Variants in ATP8B1 observed in about 807,000 individuals in gnomAD.
The protein encoded by ATP8B1 is ATPase phospholipid transporting 8B1.
Under a neutral mutation model 149.9 loss-of-function variants are expected in ATP8B1, and 80 were observed. The observed-to-expected ratio is 0.53, with a 90% CI of 0.45 to 0.64. The LOEUF is 0.64. ATP8B1 is among the 30% of genes least tolerant of loss of function. The pLI is 0.00. For synonymous variants in ATP8B1, 536 were observed against 562.8 expected (o/e 0.95, Z 0.67); for missense variants, 1,247 against 1,552.6 (o/e 0.80, Z 3.31).
chr18:57,796,246 C>T (rs1176263053), intron 1 of ATP8B1, among the ~76,000 whole-genome samples: 2 of 152,202 alleles, frequency 1.3e-5, no homozygotes, highest in African/African-American at 2.4e-5. Context: ...ACCTCTCCTC[C>T]TCTCAAAGTT....
intron 1 of ATP8B1, among the ~76,000 whole-genome samples, chr18:57,764,403 TTCTTTCTC>T (rs1205208390): frequency 8.0e-5 from 11 of 137,790 alleles, no homozygotes; most frequent in East Asian, 4.1e-4. Context: ...CTCTCTTTCT[TTCTTTCTC>T]TCTTTCTCTC....
chr18:57,784,396 C>T lies in ATP8B1; in HGVS notation c.-26+18602G>A, dbSNP rs536152876. Among the ~76,000 whole-genome samples, 1 of 152,110 alleles carries T rather than the reference C, an allele frequency of 6.6e-6. No individual in the cohort carries two copies. The highest frequency in any genetic ancestry group is 1.5e-5 in the Non-Finnish European group (1 of 67,980). ...ATGTAAGAAGGCTACTGGAATGGTC[C>T]AGGAGAGGGAGGATGACAGCTTGAA... On this transcript the variant is annotated intron_variant, in intron 1 of 27. Transcript: ENST00000648908. The surrounding 1 kb of genome is among the most constrained non-coding windows in gnomAD (Gnocchi z 4.4).
chr18:57,693,719 AAAT>A (rs948579950), intron 11 of ATP8B1, among the ~76,000 whole-genome samples: 2 of 151,970 alleles, frequency 1.3e-5, no homozygotes, highest in Non-Finnish European at 2.9e-5. Flanking sequence ...AAAAAAAAAC[AAAT>A]AATAATAATA....
chr18:57,745,956 T>C (rs1361187023), intron 1 of ATP8B1, among the ~76,000 whole-genome samples: 1 of 152,186 alleles, frequency 6.6e-6, no homozygotes, highest in Non-Finnish European at 1.5e-5. Flanking sequence ...CCACCACGCC[T>C]GACCTAAACA....
chr18:57,692,408 T>C (rs1167264189), intron 11 of ATP8B1, among the ~76,000 whole-genome samples: 1 of 149,886 alleles, frequency 6.7e-6, no homozygotes, highest in East Asian at 2.0e-4. Flanking sequence ...GGAATGCTTA[T>C]AGAAGATATT....
Position 57,657,160 on chromosome 18 carries a change from C to T in ATP8B1, c.2708-1743G>A, listed in dbSNP as rs530178337. ...TTCTTAAGCTAGCTTTGGTTGTTCTCCAATACTTGTAATCAAAAGAGTTTT... is the reference window on the plus strand; with the variant it reads ...TTCTTAAGCTAGCTTTGGTTGTTCTTCAATACTTGTAATCAAAAGAGTTTT... On this transcript the variant is annotated intron_variant, in intron 22 of 27. Transcript: ENST00000648908. 2.6e-5 allele frequency among the ~76,000 whole-genome samples: 4 copies of T among 152,062 alleles called. No individual in the cohort carries two copies. The South Asian group carries it at 8.3e-4, about 32-fold the overall frequency.
intron 8 of ATP8B1, among the ~76,000 whole-genome samples, 169 bp from the exon 9 acceptor site, chr18:57,695,701 C>T (rs948301303): frequency 3.3e-5 from 5 of 152,282 alleles, no homozygotes; most frequent in Middle Eastern, 6.8e-3. Flanking sequence ...AAAAGGTTAT[C>T]CCCTGAAGTC....
intron 8 of ATP8B1, 70 bp from the exon 9 acceptor site, chr18:57,695,602 A>C (rs1221349171): frequency 5.1e-6 from 6 of 1,173,486 alleles, no homozygotes; most frequent in Non-Finnish European, 7.6e-6. Context: ...TAATCATCCA[A>C]AGTTACATTA....
rs563956086 is a variant in ATP8B1 at position 57,746,849 on chromosome 18, T to G, written c.-25-15017A>C. Reference sequence around the variant, plus strand: ...AAAAACAAAAATGGTAGCATGGAAGTGGGTTCATGGAATCCACTGTGCATG... The same window carrying G: ...AAAAACAAAAATGGTAGCATGGAAGGGGGTTCATGGAATCCACTGTGCATG... On this transcript the variant is annotated intron_variant, in intron 1 of 27. Coordinates refer to ENST00000648908, the MANE Select transcript of ATP8B1 (RefSeq NM_001374385.1). Among the ~76,000 whole-genome samples the G allele has an allele frequency of 5.3e-5, 8 of 152,268 alleles. No individual in the cohort carries two copies. In the South Asian group the frequency reaches 1.7e-3, roughly 32 times the overall value.
chr18:57,663,078 A>G (rs1205992479), intron 20 of ATP8B1, among the ~76,000 whole-genome samples: 3 of 152,152 alleles, frequency 2.0e-5, no homozygotes, highest in African/African-American at 7.2e-5. Flanking sequence ...CCTATTAAAC[A>G]ATAACACCTC....
At chr18:57,741,843 A>G (rs2079916807) in intron 1 of ATP8B1, among the ~76,000 whole-genome samples, 1 of 152,108 alleles carries the variant, frequency 6.6e-6, no homozygotes, top group Non-Finnish European at 1.5e-5. Context: ...GACACATGCC[A>G]CACCCTGTTT....
At chr18:57,661,533 A>C in intron 21 of ATP8B1, 71 bp from the exon 22 acceptor site, 1 of 1,502,744 alleles carries the variant, frequency 6.7e-7, no homozygotes. Flanking sequence ...CCCAAGATTT[A>C]AATTATGTGA....
At chr18:57,789,541 T>A (rs73446940) in intron 1 of ATP8B1, among the ~76,000 whole-genome samples, 7,831 of 152,248 alleles carry the variant, frequency 0.051, 591 homozygotes, top group African/African-American at 0.16. Context: ...AAAGAGTGAT[T>A]TGGTTTTTAA....
At chr18:57,649,190 A>ATATTTATCTATCTATCTATCTATC (rs1909428262) in intron 27 of ATP8B1, among the ~76,000 whole-genome samples, 3 of 148,216 alleles carry the variant, frequency 2.0e-5, no homozygotes, top group Non-Finnish European at 3.0e-5. Flanking sequence ...GTGCTTGGCT[A>ATATTTATCTATCTATCTATCTATC]TATCTATCTA....
chr18:57,675,368 G>T (rs1006142709), intron 15 of ATP8B1, among the ~76,000 whole-genome samples: 2 of 152,180 alleles, frequency 1.3e-5, no homozygotes, highest in Admixed American at 1.3e-4. Context: ...CTATCAAGCT[G>T]AATATACATT....
chr18:57,668,147 C>A, intron 19 of ATP8B1: 1 of 1,368,060 alleles, frequency 7.3e-7, no homozygotes, highest in Non-Finnish European at 9.6e-7. Context: ...CCTTTCAGGA[C>A]GGGAACCCAC....
chr18:57,753,178 CT>C (rs1256772043), intron 1 of ATP8B1, among the ~76,000 whole-genome samples: 1 of 152,212 alleles, frequency 6.6e-6, no homozygotes, highest in African/African-American at 2.4e-5. Context: ...AATATAACTA[CT>C]TGGATACAGA....
chr18:57,668,570 A>AAAG, intron 18 of ATP8B1, 30 bp from the exon 19 acceptor site: 2 of 1,434,780 alleles, frequency 1.4e-6, no homozygotes, highest in Admixed American at 2.0e-5. Flanking sequence ...AAAAAAAAAA[A>AAAG]GGAATTAGCA....
intron 4 of ATP8B1, among the ~76,000 whole-genome samples, chr18:57,703,238 C>T (rs139404240): frequency 6.6e-6 from 1 of 152,050 alleles, no homozygotes; most frequent in South Asian, 2.1e-4. Flanking sequence ...TCAATCCCAG[C>T]AGGTATAACT....
Sources: gnomAD v4.1 joint callset for allele counts (sites outside exome capture counted in the v4.1 genomes callset) on GRCh38, gnomAD v4.1.1 for gene constraint, Gnocchi (gnomAD v3.1) non-coding constraint, MANE v1.5 for transcripts, NCBI Gene and HGNC (gene_info 2026-07-23, HGNC 2026-07-21) for gene names.